The following AGR3 variants were observed in gnomAD, a reference collection of about 807,000 sequenced individuals.
The protein encoded by AGR3 is anterior gradient 3, protein disulphide isomerase family member, also known as anterior gradient protein 3.
Under a neutral mutation model 24.5 loss-of-function variants are expected in AGR3, and 37 were observed. The ratio of observed to expected loss-of-function variants is 1.51; its 90% CI spans 1.16 to 1.99. The LOEUF is 1.99. AGR3 is among the 30% of genes most tolerant of loss of function. The pLI, the probability that AGR3 is intolerant of heterozygous loss-of-function variation, is 0.00. For synonymous variants in AGR3, 75 were observed against 61.6 expected (o/e 1.22, Z -1.02); for missense variants, 228 against 191.1 (o/e 1.19, Z -1.14).
At chr7:16,873,933 A>T (rs2892833) in intron 2 of AGR3, 90 bp from the exon 3 acceptor site, 298,700 of 1,010,168 alleles carry the variant, frequency 0.3, 44,891 homozygotes, top group South Asian at 0.38. Context: ...CTACCTACAG[A>T]TATTTAACTA....
At chr7:16,864,980 T>A (rs1325533828) in intron 3 of AGR3, 9 of 985,524 alleles carry the variant, frequency 9.1e-6, no homozygotes, top group Non-Finnish European at 1.3e-5. Context: ...TCTCCTGGCA[T>A]GTGTGACATT....
At chr7:16,864,543 C>G (rs1480076557) in intron 3 of AGR3, 1 of 1,349,014 alleles carries the variant, frequency 7.4e-7, no homozygotes, top group African/African-American at 1.4e-5. Flanking sequence ...AGTGTTGCTT[C>G]AGAGGGAGCC....
At chr7:16,865,949 T>C (rs778302034) in intron 3 of AGR3, 20 of 693,720 alleles carry the variant, frequency 2.9e-5, no homozygotes, top group Non-Finnish European at 5.4e-5. Context: ...TTCTAAGACT[T>C]GAGCTTTTTA....
chr7:16,877,719 C>G (rs545707688), intron 2 of AGR3, among the ~76,000 whole-genome samples: 5 of 151,928 alleles, frequency 3.3e-5, no homozygotes, highest in Middle Eastern at 3.4e-3. Flanking sequence ...AAAAATTAGC[C>G]GGGCATGGTG....
At chr7:16,881,844 C>G (rs1432303197) in intron 1 of AGR3, 100 bp downstream of exon 1, 4 of 452,442 alleles carry the variant, frequency 8.8e-6, no homozygotes, top group Non-Finnish European at 1.4e-5. Flanking sequence ...ACTTTCCTAC[C>G]CTTTACTGAA....
At chr7:16,861,482 A>T (rs773362837) in intron 5 of AGR3, 35 bp from the exon 6 acceptor site, 2 of 1,551,714 alleles carry the variant, frequency 1.3e-6, no homozygotes, top group Non-Finnish European at 1.8e-6. Flanking sequence ...ATGTTATTGG[A>T]TTCATTTGTT....
At chr7:16,866,434 G>A (rs1367304520) in intron 3 of AGR3, 2 of 258,798 alleles carry the variant, frequency 7.7e-6, no homozygotes, top group African/African-American at 2.3e-5. Flanking sequence ...AGACCATGCT[G>A]TTGTTTTAAA....
rs553467491 is a variant in AGR3, at chr7:16,865,696, T to C, written c.174-3034A>G. On this transcript the variant is annotated intron_variant, in intron 3 of 7. Coordinates refer to ENST00000310398, the MANE Select transcript of AGR3 (RefSeq NM_176813.5). ...CAAGCATTTGTAACTTGTTATACTT[T>C]GTTGCTCTTAGTAGAAACTCTTTGC... 77 of 788,824 alleles carry C rather than the reference T, an allele frequency of 9.8e-5. 3 individuals carry two copies. Among genetic ancestry groups the C allele is most frequent in the South Asian group, 9.6e-4 (72 of 74,616 alleles). 48.9% of individuals were successfully genotyped at this position (788,824 alleles called of 1,614,324 possible). A position where few individuals can be genotyped will look rare whatever the true frequency, so the allele number is the denominator to read the frequency against.
chr7:16,878,507 C>G lies in AGR3; in HGVS notation c.109+3G>C. 6.2e-7 allele frequency: 1 copy of G among 1,609,618 alleles called. No homozygotes were observed. Among genetic ancestry groups the G allele is most frequent in the Non-Finnish European group, 8.5e-7 (1 of 1,176,118 alleles). ...TTTAGAAAATAAAATGAGATTACAG[C>G]ACCTCTTGAGAGTGTCTGAGGAGGC... On this transcript the variant is annotated splice_donor_region_variant and intron_variant, in intron 2 of 7. Transcript: ENST00000310398.
At chr7:16,858,794 G>A (rs375123567), downstream of AGR3, among the ~76,000 whole-genome samples, 3 of 151,994 alleles carry the variant, frequency 2.0e-5, no homozygotes, top group Admixed American at 1.3e-4. Context: ...TCGCTTGAAC[G>A]GGTAGCAGCG....
chr7:16,857,082 T>C (rs1781564114), downstream of AGR3, among the ~76,000 whole-genome samples: 1 of 151,828 alleles, frequency 6.6e-6, no homozygotes, highest in Non-Finnish European at 1.5e-5. Flanking sequence ...CACAAACCCT[T>C]GGGCTAAAGT....
intron 3 of AGR3, chr7:16,865,481 A>C (rs1396511053): frequency 1.4e-6 from 1 of 738,280 alleles, no homozygotes; most frequent in Non-Finnish European, 2.4e-6. Context: ...GCTCTTCCCG[A>C]ATTTCTTTGG....
chr7:16,856,732 C>T (rs1781559327), downstream of AGR3, among the ~76,000 whole-genome samples: 1 of 151,926 alleles, frequency 6.6e-6, no homozygotes, highest in Admixed American at 6.6e-5. Context: ...AAAATGTTGG[C>T]TGTGTTAGGG....
intron 3 of AGR3, among the ~76,000 whole-genome samples, chr7:16,866,716 G>C (rs887752615): frequency 6.6e-6 from 1 of 152,048 alleles, no homozygotes; most frequent in African/African-American, 2.4e-5. Flanking sequence ...ATATGTTTGA[G>C]TTACTTATTT....
At chr7:16,877,690 C>T (rs1326326609) in intron 2 of AGR3, among the ~76,000 whole-genome samples, 5 of 151,770 alleles carry the variant, frequency 3.3e-5, no homozygotes, top group East Asian at 1.9e-4. Flanking sequence ...GGTGAAACCC[C>T]GTCTCTACTA....
Position 16,873,820 on chromosome 7 carries a change from C to G in AGR3, c.133G>C (p.Val45Leu). 6.2e-7 allele frequency: 1 copy of G among 1,612,910 alleles called. No homozygotes were observed. The highest frequency in any genetic ancestry group is 8.5e-7 in the Non-Finnish European group (1 of 1,179,214). The part of the protein sequence containing the change: ...SRGWGDDITW[V>L]QTYEEGLFYA... Reference sequence around the variant, plus strand: ...AAGAGACCTTCTTCATAAGTTTGTACCCAAGTGATGTCATCTCCCCATCCT... The same window carrying G: ...AAGAGACCTTCTTCATAAGTTTGTAGCCAAGTGATGTCATCTCCCCATCCT... Residue 45 changes from valine to leucine, a missense_variant, in exon 3 of 8, where the codon GTA (valine) becomes CTA (leucine). Val to Leu is a conservative substitution (Grantham distance 32). Coordinates refer to ENST00000310398, the MANE Select transcript of AGR3 (RefSeq NM_176813.5).
chr7:16,860,530 A>T lies in AGR3; in HGVS notation c.421T>A (p.Tyr141Asn), dbSNP rs754342277. The change falls in exon 7 of 8, where the codon TAC (tyrosine) becomes AAC (asparagine). Residue 141 changes from tyrosine to asparagine, a missense_variant. Coordinates refer to ENST00000310398, the MANE Select transcript of AGR3 (RefSeq NM_176813.5). ...GGTAAATCCCGAGGCTCATATGTGTACAATCTGTTAGAGTATCTTCCAGCT... is the reference window on the plus strand; with the variant it reads ...GGTAAATCCCGAGGCTCATATGTGTTCAATCTGTTAGAGTATCTTCCAGCT... ...DIAGRYSNRL[Y>N]TYEPRDLPLL... 1 of 1,613,912 alleles carries T rather than the reference A, an allele frequency of 6.2e-7. No individual in the cohort carries two copies.
intron 3 of AGR3, among the ~76,000 whole-genome samples, chr7:16,863,766 C>G (rs929928087): frequency 2.0e-5 from 3 of 151,854 alleles, no homozygotes; most frequent in African/African-American, 4.8e-5. Flanking sequence ...TTATTAGTCT[C>G]CCCAAAGATG....
chr7:16,876,298 T>G (rs565503130), intron 2 of AGR3, among the ~76,000 whole-genome samples: 101 of 152,342 alleles, frequency 6.6e-4, no homozygotes, highest in African/African-American at 2.4e-3. Context: ...TATTTTCTTG[T>G]CTTTTGAGAT....
Sources: gnomAD v4.1 joint callset for allele counts (sites outside exome capture counted in the v4.1 genomes callset) on GRCh38, gnomAD v4.1.1 for gene constraint, MANE v1.5 for transcripts, NCBI Gene and HGNC (gene_info 2026-07-23, HGNC 2026-07-21) for gene names.